Variants in KPRP observed in about 807,000 individuals in gnomAD.
The protein encoded by KPRP is keratinocyte proline-rich protein.
For missense variants in KPRP, 820 were observed against 746.4 expected, an observed-to-expected ratio of 1.10 and a Z score of -1.15; for synonymous variants, 282 against 276.9, an observed-to-expected ratio of 1.02 and a Z score of -0.18.
At chr1:152,759,244 A>T (rs558471390), upstream of KPRP, among the ~76,000 whole-genome samples, 10 of 152,314 alleles carry the variant, frequency 6.6e-5, no homozygotes, top group East Asian at 1.9e-3. Flanking sequence ...TACTTCCTGT[A>T]GGGCTGCTCA....
chr1:152,759,645 G>A (rs1256698711), exon 1 of KPRP: 1 of 1,614,010 alleles, frequency 6.2e-7, no homozygotes. Flanking sequence ...GCTGCGTCAA[G>A]GGTCCCTCCT....
At chr1:152,759,808 T>C in exon 1 of KPRP, 1 of 1,614,122 alleles carries the variant, frequency 6.2e-7, no homozygotes, top group Non-Finnish European at 8.5e-7. Context: ...ACAGGTGAAG[T>C]GCCAGTCTAA....
At chr1:152,761,858 A>G (rs1651146063) in exon 1 of KPRP, 1 of 169,678 alleles carries the variant, frequency 5.9e-6, no homozygotes, top group East Asian at 1.9e-4. Context: ...TGTCTTCCTT[A>G]TCTGCCCAAC....
chr1:152,760,586 G>A, exon 1 of KPRP: 3 of 1,608,664 alleles, frequency 1.9e-6, no homozygotes, highest in Non-Finnish European at 2.5e-6. Flanking sequence ...TCCTCCCCGT[G>A]CTGCCCCAGG....
chr1:152,759,146 G>T (rs1343941800), upstream of KPRP, among the ~76,000 whole-genome samples: 1 of 152,194 alleles, frequency 6.6e-6, no homozygotes, highest in Non-Finnish European at 1.5e-5. Flanking sequence ...TATGTGTACT[G>T]CCAGTGCACA....
upstream of KPRP, among the ~76,000 whole-genome samples, chr1:152,759,317 C>G (rs755666173): frequency 2.0e-5 from 3 of 152,146 alleles, no homozygotes; most frequent in Non-Finnish European, 2.9e-5. Flanking sequence ...TCAGTGCCCT[C>G]TTTTCTGGGC....
At chr1:152,760,603 C>T in exon 1 of KPRP, 1 of 1,608,828 alleles carries the variant, frequency 6.2e-7, no homozygotes, top group Non-Finnish European at 8.5e-7. Context: ...CAGGCAGGTT[C>T]CCCCACAGAG....
exon 1 of KPRP, chr1:152,760,016 C>T: frequency 6.2e-7 from 1 of 1,614,174 alleles, no homozygotes; most frequent in South Asian, 1.1e-5. Flanking sequence ...TATACAGAAA[C>T]TTGTTATGTA....
exon 1 of KPRP, chr1:152,760,115 G>A (rs867104936): frequency 8.7e-6 from 14 of 1,614,170 alleles, no homozygotes; most frequent in Non-Finnish European, 1.0e-5. Context: ...CAGCCTCAGG[G>A]AAGATTCTCC....
chr1:152,759,907 G>A lies in KPRP; in HGVS notation c.319G>A (p.Val107Ile), dbSNP rs141893273. 1.4e-3 allele frequency: 2,252 copies of A among 1,614,180 alleles called. 12 individuals carry two copies. The highest frequency in any genetic ancestry group is 8.1e-3 in the South Asian group (734 of 91,074). Reference sequence around the variant, plus strand: ...TGCATCCCAATCTCAAACTTCCTCTGTTCAAAGCCAGGCTCCATGCCAATC... The same window carrying A: ...TGCATCCCAATCTCAAACTTCCTCTATTCAAAGCCAGGCTCCATGCCAATC... Residue 107 changes from valine to isoleucine, a missense_variant, in exon 1 of 1, where the codon GTT becomes ATT. By Grantham distance (29) the Val-to-Ile change is conservative (BLOSUM62 3). Transcript: ENST00000606109.
exon 1 of KPRP, chr1:152,761,050 C>T: frequency 6.2e-7 from 1 of 1,613,848 alleles, no homozygotes; most frequent in South Asian, 1.1e-5. Context: ...CTGCCCAAGC[C>T]CGGAGCCCTG....
chr1:152,761,517 C>A, exon 1 of KPRP: 1 of 1,101,366 alleles, frequency 9.1e-7, no homozygotes, highest in Non-Finnish European at 1.3e-6. Context: ...GCCTCTCCAG[C>A]CTCACGTGTC....
Position 152,760,396 on chromosome 1 carries a change from T to TC in KPRP, c.812dup (p.Pro272ThrfsTer5). 6.2e-7 allele frequency: 1 copy of TC among 1,613,722 alleles called. No individual in the cohort carries two copies. The highest frequency in any genetic ancestry group is 1.1e-5 in the South Asian group (1 of 91,060). On this transcript the variant is annotated frameshift_variant, in exon 1 of 1. Transcript: ENST00000606109. LOFTEE classifies it low-confidence loss of function (END_TRUNC). ...GCTGCAGCTTTTCCCCCGCAGCTGT[T>TC]CCCCACCAAGACGTTTTGAGCCCTG...
exon 1 of KPRP, chr1:152,759,630 A>G (rs17612167): frequency 1.2e-6 from 2 of 1,613,810 alleles, no homozygotes; most frequent in Non-Finnish European, 1.7e-6. Flanking sequence ...TGCCGCTCCA[A>G]CAGTGCTGCG....
Position 152,759,682 on chromosome 1 carries a change from C to T in KPRP, c.94C>T (p.Gln32Ter), listed in dbSNP as rs1410398966. ...CTGCTCCTCTCAATCCCCCTTTGCC[C>T]AGAGCCAAGTGGTGGTTCAAGCCCC... The change falls in exon 1 of 1, where the codon CAG (glutamine) becomes TAG (stop). Residue 32 changes from glutamine (Q) to a stop codon, truncating the protein, a stop_gained. Coordinates refer to ENST00000606109, the Ensembl canonical transcript of KPRP. LOFTEE classifies it low-confidence loss of function (END_TRUNC). 3 of 1,614,178 alleles carry T rather than the reference C, an allele frequency of 1.9e-6. No individual in the cohort carries two copies. The highest frequency in any genetic ancestry group is 3.3e-4 in the Middle Eastern group (2 of 6,062).
In KPRP at chr1:152,759,767, C is replaced by G; in HGVS notation, c.179C>G (p.Ser60Ter). The G allele has an allele frequency of 1.2e-6, 2 of 1,614,188 alleles. No individual in the cohort carries two copies. The highest frequency in any genetic ancestry group is 2.2e-5 in the East Asian group (1 of 44,878). Residue 60 changes from serine (S) to a stop codon, truncating the protein, a stop_gained, in exon 1 of 1, where the codon TCA (serine) becomes TGA (stop). Transcript: ENST00000606109. LOFTEE classifies it low-confidence loss of function (END_TRUNC). ...TGCCCAGTTCAAGTTTGCCAGGTGT[C>G]AGACCAGGCTCCATGCCAGTCTCAG...
chr1:152,760,494 A>G (rs753105989), exon 1 of KPRP: 1 of 1,613,426 alleles, frequency 6.2e-7, no homozygotes, highest in Non-Finnish European at 8.5e-7. Context: ...GCCGCTCTGA[A>G]CCCATATATA....
At chr1:152,760,383 C>G in exon 1 of KPRP, 1 of 1,614,076 alleles carries the variant, frequency 6.2e-7, no homozygotes, top group Non-Finnish European at 8.5e-7. Context: ...TGCAGCTTTT[C>G]CCCCGCAGCT....
Position 152,761,257 on chromosome 1 carries a change from C to T in KPRP, c.1669C>T (p.Gln557Ter). 1 of 1,614,074 alleles carries T rather than the reference C, an allele frequency of 6.2e-7. No individual in the cohort carries two copies. The highest frequency in any genetic ancestry group is 1.7e-5 in the Admixed American group (1 of 60,022). The change falls in exon 1 of 1, where the codon CAG (glutamine) becomes TAG (stop). Residue 557 changes from glutamine to a stop codon, truncating the protein, a stop_gained. Coordinates refer to ENST00000606109, the Ensembl canonical transcript of KPRP. LOFTEE classifies it low-confidence loss of function (END_TRUNC). ...TGATGTGTTTCCAGAGCGGAGGGGT[C>T]AGGATGGCCATGGAGACCAAGGCAA...
Sources: gnomAD v4.1 joint callset for allele counts (sites outside exome capture counted in the v4.1 genomes callset) on GRCh38, gnomAD v4.1.1 for gene constraint, MANE v1.5 for transcripts, NCBI Gene and HGNC (gene_info 2026-07-23, HGNC 2026-07-21) for gene names.